The following TMEM132C variants were observed in gnomAD, a reference collection of about 807,000 sequenced individuals.
TMEM132C encodes the protein protein phosphatase 1, regulatory subunit 152.
TMEM132C carries 29 observed loss-of-function variants against 61.4 expected under a neutral mutation model. The ratio of observed to expected loss-of-function variants is 0.47; its 90% CI spans 0.35 to 0.64. TMEM132C has a LOEUF of 0.64. Among genes scored for constraint, TMEM132C ranks in the 30% least tolerant of loss-of-function variants. The pLI is 0.00. For missense variants in TMEM132C, 1,408 were observed against 1,476.9 expected, an observed-to-expected ratio of 0.95 and a Z score of 0.76; for synonymous variants, 656 against 633.1, an observed-to-expected ratio of 1.04 and a Z score of -0.54.
intron 1 of TMEM132C, among the ~76,000 whole-genome samples, chr12:128,402,381 T>C (rs1875190602): frequency 6.6e-6 from 1 of 152,120 alleles, no homozygotes; most frequent in Non-Finnish European, 1.5e-5. Flanking sequence ...CTTTTCCTGA[T>C]CCTCTCCCTC....
In TMEM132C at chr12:128,371,728, A is replaced by G. The variant is rs899057129; in HGVS notation, c.86-43004A>G. 5.3e-4 allele frequency among the ~76,000 whole-genome samples: 80 copies of G among 152,248 alleles called. 1 individual carries two copies. The highest frequency in any genetic ancestry group is 1.6e-4 in the Non-Finnish European group (11 of 68,026). On this transcript the variant is annotated intron_variant, in intron 1 of 8. Transcript: ENST00000435159. ...GCTGAAACTAAAGGCACATGTCACC[A>G]TGCTGTGCTAACATATTTTTAAAAT...
At chr12:128,505,509 G>T (rs1392663991) in intron 2 of TMEM132C, among the ~76,000 whole-genome samples, 2 of 152,112 alleles carry the variant, frequency 1.3e-5, no homozygotes, top group Non-Finnish European at 2.9e-5. Context: ...TGGGGCCCTG[G>T]TACCCACCCC....
In TMEM132C at chr12:128,582,501, G is replaced by A. The variant is rs527249505; in HGVS notation, c.1122-33651G>A. ...TGTGTCCCCACCCAAATCTCATCTT[G>A]AATTGTGCTCCCATAATTCCCATGT... On this transcript the variant is annotated intron_variant, in intron 3 of 8. Coordinates refer to ENST00000435159, the MANE Select transcript of TMEM132C (RefSeq NM_001136103.3). Among the ~76,000 whole-genome samples, 4 of 147,852 alleles carry A rather than the reference G, an allele frequency of 2.7e-5. No homozygotes were observed. The East Asian group carries it at 8.0e-4, about 30-fold the overall frequency.
rs181214585 is a variant in TMEM132C, at chr12:128,301,838, C to T, written c.85+34351C>T. On this transcript the variant is annotated intron_variant, in intron 1 of 8. Transcript: ENST00000435159. ...TAAAGAAAAAGAGGTTTAATGGACT[C>T]GCAGTTCCATGTGGCTGGGGAGGCC... is the stretch of plus-strand genomic sequence containing the variant. Among the ~76,000 whole-genome samples, 20 of 152,246 alleles carry T rather than the reference C, an allele frequency of 1.3e-4. No homozygotes were observed. In the East Asian group the frequency reaches 1.3e-3, roughly 10 times the overall value.
At chr12:128,567,074 A>G (rs1874727992) in intron 3 of TMEM132C, among the ~76,000 whole-genome samples, 1 of 152,168 alleles carries the variant, frequency 6.6e-6, no homozygotes, top group Admixed American at 6.5e-5. Flanking sequence ...TGAAGAGCAA[A>G]TTCAGCTTAT....
In TMEM132C at chr12:128,268,625, A is replaced by C. The variant is rs145555263; in HGVS notation, c.85+1138A>C. On this transcript the variant is annotated intron_variant, in intron 1 of 8. Transcript: ENST00000435159. ...AGTATCGGCCCCAGGCTCTGAGCAG[A>C]GAACACTCAAAGCCACCCTTCTCCC... Among the ~76,000 whole-genome samples, 349 of 152,292 alleles carry C rather than the reference A, an allele frequency of 2.3e-3. 4 individuals are homozygous for C. Among genetic ancestry groups the C allele is most frequent in the East Asian group, 0.022 (115 of 5,112 alleles).
At chr12:128,613,661 C>T (rs1876708516) in intron 3 of TMEM132C, among the ~76,000 whole-genome samples, 1 of 152,166 alleles carries the variant, frequency 6.6e-6, no homozygotes, top group Non-Finnish European at 1.5e-5. Context: ...CTGTTCCCGG[C>T]CCTGTGAACT....
chr12:128,705,683 G>T lies in TMEM132C; in HGVS notation c.2715G>T (p.Gly905=), dbSNP rs938479236. 6.4e-7 allele frequency: 1 copy of T among 1,551,310 alleles called. No homozygotes were observed. Among genetic ancestry groups the T allele is most frequent in the Non-Finnish European group, 8.7e-7 (1 of 1,146,994 alleles). The change falls in exon 9 of 9, where the codon GGG becomes GGT. Residue 905 remains glycine, a synonymous_variant. Transcript: ENST00000435159. ...FPAHVDLPKA[G]SGLEENDLVQ... ...CCCACGTGGACCTCCCCAAGGCCGG[G>T]AGTGGGCTGGAGGAAAACGACCTGG... is the stretch of plus-strand genomic sequence containing the variant.
At chr12:128,473,438 C>G (rs995836707) in intron 2 of TMEM132C, among the ~76,000 whole-genome samples, 3 of 151,580 alleles carry the variant, frequency 2.0e-5, no homozygotes, top group Admixed American at 1.3e-4. Context: ...GCTCCAGCCT[C>G]TATCTTTATC....
At chr12:128,275,289 A>G (rs1870651042) in intron 1 of TMEM132C, among the ~76,000 whole-genome samples, 1 of 152,212 alleles carries the variant, frequency 6.6e-6, no homozygotes, top group Non-Finnish European at 1.5e-5. Context: ...CCCATCCCTC[A>G]CATTACTGCC....
At chr12:128,275,749 G>A (rs1316699425) in intron 1 of TMEM132C, among the ~76,000 whole-genome samples, 1 of 152,140 alleles carries the variant, frequency 6.6e-6, no homozygotes, top group African/African-American at 2.4e-5. Flanking sequence ...AAGTGGACTA[G>A]AGATACTTAG....
At chr12:128,502,582 A>T (rs1872220219) in intron 2 of TMEM132C, among the ~76,000 whole-genome samples, 1 of 152,196 alleles carries the variant, frequency 6.6e-6, no homozygotes, top group Admixed American at 6.5e-5. Context: ...CCCCTGGGCC[A>T]TCTACACCAG....
At chr12:128,517,762 C>G (rs111817873) in intron 2 of TMEM132C, among the ~76,000 whole-genome samples, 2,740 of 152,154 alleles carry the variant, frequency 0.018, 70 homozygotes, top group African/African-American at 0.054. Context: ...GCAGCCATGT[C>G]CTGTCTTTGG....
chr12:128,657,591 G>A (rs1174199565), intron 4 of TMEM132C, among the ~76,000 whole-genome samples: 4 of 152,198 alleles, frequency 2.6e-5, no homozygotes, highest in Non-Finnish European at 5.9e-5. Context: ...GTATTATGCA[G>A]TGTCCTGTTC....
intron 2 of TMEM132C, among the ~76,000 whole-genome samples, chr12:128,540,517 G>A (rs1413902555): frequency 6.6e-6 from 1 of 152,170 alleles, no homozygotes; most frequent in East Asian, 1.9e-4. Flanking sequence ...CTCCCAAAGT[G>A]CTGGGATTAC....
intron 2 of TMEM132C, among the ~76,000 whole-genome samples, chr12:128,498,263 T>C (rs1194592332): frequency 1.3e-5 from 2 of 152,086 alleles, no homozygotes; most frequent in Non-Finnish European, 2.9e-5. Flanking sequence ...TATTCAACAT[T>C]GTACCCAAGG....
At chr12:128,441,591 G>A (rs1869788906) in intron 2 of TMEM132C, among the ~76,000 whole-genome samples, 2 of 152,198 alleles carry the variant, frequency 1.3e-5, no homozygotes, top group Admixed American at 6.5e-5. Flanking sequence ...CCTGCAGACA[G>A]GTGAGTCATT....
chr12:128,450,288 A>G (rs1328108400), intron 2 of TMEM132C, among the ~76,000 whole-genome samples: 1 of 152,198 alleles, frequency 6.6e-6, no homozygotes, highest in Non-Finnish European at 1.5e-5. Context: ...GGGAACATTA[A>G]GAAGCCCTAC....
chr12:128,292,661 A>AT (rs1871279793), intron 1 of TMEM132C, among the ~76,000 whole-genome samples: 2 of 128,444 alleles, frequency 1.6e-5, no homozygotes, highest in Non-Finnish European at 3.3e-5. Flanking sequence ...TAGATGAGGT[A>AT]TTCATAAGTG....
Sources: allele counts gnomAD v4.1 joint callset (sites outside exome capture counted in the v4.1 genomes callset), GRCh38; gene constraint gnomAD v4.1.1; transcripts MANE v1.5; gene names NCBI Gene and HGNC (gene_info 2026-07-23, HGNC 2026-07-21).